Variants in DDX60 observed in about 807,000 individuals in gnomAD.
DDX60 encodes probable ATP-dependent RNA helicase DDX60.
A neutral mutation model predicts 212.8 loss-of-function variants in DDX60; 165 were observed. That is an observed-to-expected ratio of 0.78 (90% CI 0.68 to 0.88). The LOEUF (loss-of-function observed/expected upper bound fraction) is 0.88. Among genes scored for constraint, DDX60 ranks in the 40% least tolerant of loss-of-function variants. DDX60 has a pLI of 0.00. For synonymous variants in DDX60, 703 were observed against 685.3 expected, an observed-to-expected ratio of 1.03 and a Z score of -0.40; for missense variants, 1,905 against 2,003.9, an observed-to-expected ratio of 0.95 and a Z score of 0.94.
At chr4:168,325,622 C>T in the DDX60 span, among the ~76,000 whole-genome samples, 2 of 140,248 alleles carry the variant, frequency 1.4e-5, no homozygotes, top group South Asian at 2.4e-4. Context: ...TACACTCCAT[C>T]TGTGATATAT....
intron 34 of DDX60, 96 bp from the exon 35 acceptor site, chr4:168,224,481 T>C: frequency 8.3e-7 from 1 of 1,204,214 alleles, no homozygotes; most frequent in Non-Finnish European, 1.2e-6. Context: ...AGGGGAGCCA[T>C]TCAGCTTCAT....
At chr4:168,234,556 C>T (rs1393245700) in intron 33 of DDX60, among the ~76,000 whole-genome samples, 1 of 151,772 alleles carries the variant, frequency 6.6e-6, no homozygotes, top group Non-Finnish European at 1.5e-5. Flanking sequence ...TAAAAATATC[C>T]ATCTTTTTAT....
intron 28 of DDX60, among the ~76,000 whole-genome samples, chr4:168,250,508 G>C (rs1734177939): frequency 1.3e-5 from 2 of 149,648 alleles, no homozygotes; most frequent in South Asian, 4.2e-4. Context: ...AATTAAATAA[G>C]ACAGAGGATA....
At chr4:168,240,461 G>C (rs1002570153) in intron 30 of DDX60, among the ~76,000 whole-genome samples, 5 of 151,990 alleles carry the variant, frequency 3.3e-5, no homozygotes, top group African/African-American at 1.2e-4. Flanking sequence ...CACAGATTTA[G>C]AAAAAAACTA....
intron 31 of DDX60, 26 bp downstream of exon 31, chr4:168,237,665 C>A: frequency 6.3e-7 from 1 of 1,584,592 alleles, no homozygotes; most frequent in South Asian, 1.1e-5. Flanking sequence ...TGCTATTTCC[C>A]AAAACAAAAG....
chr4:168,319,162 C>A (rs1469868377), upstream of DDX60, among the ~76,000 whole-genome samples: 1 of 150,946 alleles, frequency 6.6e-6, no homozygotes, highest in African/African-American at 2.4e-5. Flanking sequence ...CACATTGTAC[C>A]CCAAAAATAT....
chr4:168,233,760 C>G (rs962637594), intron 33 of DDX60, among the ~76,000 whole-genome samples: 18 of 151,980 alleles, frequency 1.2e-4, no homozygotes, highest in Non-Finnish European at 7.4e-5. Flanking sequence ...GTGCAGTGTA[C>G]ACTGCTTAGG....
chr4:168,302,647 A>G (rs901162710), intron 5 of DDX60, among the ~76,000 whole-genome samples: 1 of 152,196 alleles, frequency 6.6e-6, no homozygotes, highest in Non-Finnish European at 1.5e-5. Context: ...CAGCTTCATA[A>G]AAGTATAATT....
intron 6 of DDX60, among the ~76,000 whole-genome samples, chr4:168,299,157 C>CAAAAAAAAAAAAAAAAA (rs1197872492): frequency 4.8e-5 from 3 of 61,936 alleles, no homozygotes; most frequent in African/African-American, 1.2e-4. Flanking sequence ...GAGACTGTCT[C>CAAAAAAAAAAAAAAAAA]AAAAAAAAAA....
At chr4:168,226,355 G>A (rs775239155) in intron 33 of DDX60, among the ~76,000 whole-genome samples, 39 of 151,894 alleles carry the variant, frequency 2.6e-4, no homozygotes, top group African/African-American at 3.6e-4. Flanking sequence ...AGATGATTAG[G>A]TCATGAGGGT....
At chr4:168,238,707 A>G (rs961717415) in intron 30 of DDX60, among the ~76,000 whole-genome samples, 8 of 152,124 alleles carry the variant, frequency 5.3e-5, no homozygotes, top group African/African-American at 1.9e-4. Flanking sequence ...TGAGGGTTTC[A>G]TGGTGGTTCA....
At chr4:168,221,990 A>G (rs1733068976) in intron 35 of DDX60, 109 bp from the exon 36 acceptor site, 2 of 1,165,816 alleles carry the variant, frequency 1.7e-6, no homozygotes, top group South Asian at 1.7e-5. Context: ...TTTAAAGCCC[A>G]CTCTTCACTG....
chr4:168,293,501 A>G (rs1462698184), intron 7 of DDX60, among the ~76,000 whole-genome samples: 5 of 152,214 alleles, frequency 3.3e-5, no homozygotes, highest in African/African-American at 1.2e-4. Flanking sequence ...ACATACTAGC[A>G]TATTAGGCCT....
chr4:168,216,761 G>A lies in DDX60; in HGVS notation c.*172C>T. 2.0e-6 allele frequency: 1 copy of A among 509,796 alleles called. No homozygotes were observed. Among genetic ancestry groups the A allele is most frequent in the Non-Finnish European group, 3.4e-6 (1 of 293,640 alleles). The allele number at this position is 509,796 out of a possible 1,614,324, so 31.6% of individuals were successfully genotyped here. ...TTTGTGAGTATTCATGACAGAACAT[G>A]GCAGGTTTGATTGCAACTCTGTTTG... On this transcript the variant is annotated 3_prime_UTR_variant, in exon 38 of 38. Coordinates refer to ENST00000393743, the MANE Select transcript of DDX60 (RefSeq NM_017631.6).
At chr4:168,266,178 C>G (rs1734840578) in intron 22 of DDX60, among the ~76,000 whole-genome samples, 1 of 152,194 alleles carries the variant, frequency 6.6e-6, no homozygotes, top group Non-Finnish European at 1.5e-5. Context: ...GTTAAGTTCT[C>G]TATGCCTCAC....
chr4:168,307,819 C>T (rs569845343), intron 4 of DDX60, among the ~76,000 whole-genome samples, 187 bp downstream of exon 4: 1 of 152,278 alleles, frequency 6.6e-6, no homozygotes, highest in Admixed American at 6.5e-5. Context: ...TCAAATAAAA[C>T]ATAATCTCAA....
rs150631377 is a variant in DDX60 at position 168,260,788 on chromosome 4, G to C, written c.3398+77C>G. 25 of 1,285,486 alleles carry C rather than the reference G, an allele frequency of 1.9e-5. No individual in the cohort carries two copies. In the East Asian group the frequency reaches 5.8e-4, roughly 30 times the overall value. The allele number at this position is 1,285,486 out of a possible 1,614,324, so 79.6% of individuals were successfully genotyped here. On this transcript the variant is annotated intron_variant, in intron 25 of 37. Transcript: ENST00000393743. ...TGGGCCAGTGATGGTCTGTGGCCTG[G>C]AGGTTGGGGACCTCTGCCTTAAAGG...
At chr4:168,269,749 G>A (rs1735011397) in intron 19 of DDX60, among the ~76,000 whole-genome samples, 2 of 152,242 alleles carry the variant, frequency 1.3e-5, no homozygotes, top group Admixed American at 6.5e-5. Flanking sequence ...CTGCCTCTCT[G>A]GCTTTATCTC....
chr4:168,296,563 C>T (rs1023107356), intron 6 of DDX60, among the ~76,000 whole-genome samples: 1 of 151,894 alleles, frequency 6.6e-6, no homozygotes, highest in African/African-American at 2.4e-5. Flanking sequence ...CACTAACATG[C>T]CTGGATTCTG....
Sources: allele counts gnomAD v4.1 joint callset (sites outside exome capture counted in the v4.1 genomes callset), GRCh38; gene constraint gnomAD v4.1.1; transcripts MANE v1.5; gene names NCBI Gene and HGNC (gene_info 2026-07-23, HGNC 2026-07-21).